The following CHPT1 variants were observed in gnomAD, a reference collection of about 807,000 sequenced individuals.
CHPT1 encodes choline phosphotransferase 1, also known as cholinephosphotransferase 1.
CHPT1 carries 36 observed loss-of-function variants against 47.6 expected under a neutral mutation model. That is an observed-to-expected ratio of 0.76 (90% CI 0.58 to 1.00). The LOEUF (loss-of-function observed/expected upper bound fraction) is 1.00, where lower values mean the gene tolerates loss of function less well. Among genes scored for constraint, CHPT1 ranks in the 50% least tolerant of loss-of-function variants. CHPT1 has a pLI of 0.00. For synonymous variants in CHPT1, 194 were observed against 186.3 expected, an observed-to-expected ratio of 1.04 and a Z score of -0.33; for missense variants, 458 against 498.1, an observed-to-expected ratio of 0.92 and a Z score of 0.77.
intron 7 of CHPT1, among the ~76,000 whole-genome samples, chr12:101,725,615 G>A (rs1394382876): frequency 1.4e-5 from 2 of 145,764 alleles, no homozygotes; most frequent in African/African-American, 5.0e-5. Flanking sequence ...AAAACACTAT[G>A]TGGATGACAA....
chr12:101,723,160 T>A lies in CHPT1; in HGVS notation c.781-8T>A, dbSNP rs1206662388. 1 of 1,608,698 alleles carries A rather than the reference T, an allele frequency of 6.2e-7. No individual in the cohort carries two copies. On this transcript the variant is annotated splice_polypyrimidine_tract_variant and splice_region_variant and intron_variant, in intron 5 of 8. Transcript: ENST00000229266. ...AATGTGATACTGATTTTCTGCTTTA[T>A]CCCTTAGGGCACCAGTGTCTTGTCA...
chr12:101,714,795 G>T, intron 3 of CHPT1, 150 bp downstream of exon 3: 1 of 608,248 alleles, frequency 1.6e-6, no homozygotes. Context: ...TACACCTTAA[G>T]TCTTTTAGGT....
chr12:101,718,340 T>C lies in CHPT1; in HGVS notation c.648+1528T>C, dbSNP rs997197519. ...ACAAACGTACCACGCTGGTGTAGGA[T>C]GTTGTTGGCAGAGGGAGGGGTGGCT... On this transcript the variant is annotated intron_variant, in intron 4 of 8. Transcript: ENST00000229266. 3.9e-5 allele frequency among the ~76,000 whole-genome samples: 6 copies of C among 152,226 alleles called. 1 individual carries two copies. The highest frequency in any genetic ancestry group is 3.9e-4 in the Admixed American group (6 of 15,286).
intron 1 of CHPT1, among the ~76,000 whole-genome samples, chr12:101,706,603 C>T (rs1427478351): frequency 6.6e-6 from 1 of 152,180 alleles, no homozygotes; most frequent in Non-Finnish European, 1.5e-5. Flanking sequence ...GCAGCTTTCA[C>T]CTGATGCCAG....
At chr12:101,707,161 A>T (rs757764373) in intron 1 of CHPT1, among the ~76,000 whole-genome samples, 7 of 152,204 alleles carry the variant, frequency 4.6e-5, no homozygotes, top group Non-Finnish European at 8.8e-5. Flanking sequence ...TAGGTGGAGT[A>T]AGAGGTGTAT....
At chr12:101,708,067 G>A (rs1175370787) in intron 1 of CHPT1, among the ~76,000 whole-genome samples, 1 of 152,128 alleles carries the variant, frequency 6.6e-6, no homozygotes, top group African/African-American at 2.4e-5. Flanking sequence ...TCCAGTATAA[G>A]CTTTGTGTCT....
At chr12:101,726,851 G>A (rs1412112996) in intron 8 of CHPT1, 2 of 168,008 alleles carry the variant, frequency 1.2e-5, no homozygotes, top group Non-Finnish European at 2.5e-5. Context: ...TTAAGTGCAT[G>A]GCTTATAATG....
At chr12:101,714,345 AGTT>A (rs1951734530) in intron 2 of CHPT1, 108 bp downstream of exon 2, 3 of 1,190,284 alleles carry the variant, frequency 2.5e-6, no homozygotes, top group Non-Finnish European at 3.5e-6. Context: ...AAATGTATGG[AGTT>A]GTTTAAAAAG....
At chr12:101,724,705 A>T (rs571938091) in intron 7 of CHPT1, among the ~76,000 whole-genome samples, 100 of 152,334 alleles carry the variant, frequency 6.6e-4, no homozygotes, top group African/African-American at 2.3e-3. Flanking sequence ...CATCAATTAA[A>T]TTAAATTCGC....
intron 7 of CHPT1, among the ~76,000 whole-genome samples, chr12:101,724,854 A>G (rs761200129): frequency 2.0e-5 from 3 of 152,218 alleles, no homozygotes; most frequent in Non-Finnish European, 2.9e-5. Context: ...TAACACTTCA[A>G]TTACAAAGTT....
chr12:101,714,861 C>T, intron 3 of CHPT1: 1 of 385,572 alleles, frequency 2.6e-6, no homozygotes, highest in East Asian at 4.6e-5. Context: ...TTTTCTTCTC[C>T]TCTTCTCCAA....
intron 3 of CHPT1, among the ~76,000 whole-genome samples, chr12:101,715,416 T>C (rs1289349234): frequency 6.6e-6 from 1 of 152,212 alleles, no homozygotes; most frequent in South Asian, 2.1e-4. Flanking sequence ...CTTAAAACTA[T>C]GGATCATTTA....
chr12:101,709,388 C>CAAAAAA (rs544323245), intron 1 of CHPT1, among the ~76,000 whole-genome samples: 1 of 71,470 alleles, frequency 1.4e-5, no homozygotes, highest in Non-Finnish European at 3.0e-5. Flanking sequence ...AGACCTGTGT[C>CAAAAAA]AAAAAAAAAA....
intron 1 of CHPT1, among the ~76,000 whole-genome samples, chr12:101,700,715 GT>G (rs34014289): frequency 0.25 from 37,600 of 152,056 alleles, 4,787 homozygotes; most frequent in Middle Eastern, 0.33. Flanking sequence ...TTTGTGTCTT[GT>G]TATCAGCCAA....
chr12:101,714,055 C>T, intron 1 of CHPT1, 35 bp from the exon 2 acceptor site: 1 of 1,473,132 alleles, frequency 6.8e-7, no homozygotes, highest in Non-Finnish European at 9.4e-7. Context: ...CTTATTATCA[C>T]TTAACAATCT....
chr12:101,716,510 C>G (rs1951765313), intron 3 of CHPT1, among the ~76,000 whole-genome samples: 1 of 151,960 alleles, frequency 6.6e-6, no homozygotes, highest in Non-Finnish European at 1.5e-5. Context: ...ATTTTTTTCC[C>G]TCTGCATATA....
intron 4 of CHPT1, chr12:101,717,250 T>A (rs1298178434): frequency 2.2e-6 from 1 of 454,476 alleles, no homozygotes. Flanking sequence ...AAGATTCCCA[T>A]ATTAAGGAAT....
chr12:101,714,037 T>A, intron 1 of CHPT1, 53 bp from the exon 2 acceptor site: 2 of 1,281,866 alleles, frequency 1.6e-6, no homozygotes, highest in South Asian at 2.8e-5. Context: ...TGAGCTATTT[T>A]CAGAAAGCTT....
intron 1 of CHPT1, among the ~76,000 whole-genome samples, chr12:101,704,318 G>T: frequency 6.7e-6 from 1 of 149,844 alleles, no homozygotes; most frequent in Non-Finnish European, 1.5e-5. Context: ...TTTTCTTTAT[G>T]TCAACTTTAA....
Sources: gnomAD v4.1 joint callset for allele counts (sites outside exome capture counted in the v4.1 genomes callset) on GRCh38, gnomAD v4.1.1 for gene constraint, MANE v1.5 for transcripts, NCBI Gene and HGNC (gene_info 2026-07-23, HGNC 2026-07-21) for gene names.